The following NAALADL2 variants were observed in gnomAD, a reference collection of about 807,000 sequenced individuals.
NAALADL2 encodes the protein N-acetylated alpha-linked acidic dipeptidase like 2.
Under a neutral mutation model 87.2 loss-of-function variants are expected in NAALADL2, and 76 were observed. That is an observed-to-expected ratio of 0.87 (90% CI 0.72 to 1.05). NAALADL2 has a LOEUF of 1.05. Among genes scored for constraint, NAALADL2 ranks in the 50% least tolerant of loss-of-function variants. The probability of loss-of-function intolerance (pLI) is 0.00; values close to 1 mark genes in which losing one functional copy is unlikely to be tolerated. For missense variants in NAALADL2, 1,089 were observed against 945.8 expected (o/e 1.15, Z -1.99); for synonymous variants, 354 against 331.0 (o/e 1.07, Z -0.75).
chr3:174,450,359 C>T (rs73881162), intron 1 of NAALADL2, among the ~76,000 whole-genome samples: 4,491 of 152,116 alleles, frequency 0.03, 209 homozygotes, highest in African/African-American at 0.1. Context: ...AATGTAACCA[C>T]GCATGGGAAA....
intron 11 of NAALADL2, among the ~76,000 whole-genome samples, chr3:175,673,152 C>G (rs1258520209): frequency 6.6e-6 from 1 of 152,142 alleles, no homozygotes; most frequent in African/African-American, 2.4e-5. Flanking sequence ...TCATCTTTAT[C>G]TTACCTATAC....
At chr3:175,545,877 T>C (rs1334681444) in intron 9 of NAALADL2, among the ~76,000 whole-genome samples, 2 of 152,164 alleles carry the variant, frequency 1.3e-5, no homozygotes, top group African/African-American at 4.8e-5. Flanking sequence ...CATAGATCTA[T>C]TGATGAACTT....
chr3:175,451,405 A>G (rs529653828), intron 6 of NAALADL2, among the ~76,000 whole-genome samples: 41 of 152,182 alleles, frequency 2.7e-4, no homozygotes, highest in African/African-American at 8.9e-4. Context: ...CATTGATTAG[A>G]TAATTGGATA....
intron 5 of NAALADL2, among the ~76,000 whole-genome samples, chr3:175,324,554 G>T (rs186668101): frequency 1.2e-4 from 18 of 152,310 alleles, no homozygotes; most frequent in African/African-American, 4.1e-4. Context: ...AAATTACAGT[G>T]TGATGAACAG....
chr3:175,236,597 A>G (rs1315316262), intron 3 of NAALADL2, among the ~76,000 whole-genome samples: 1 of 151,466 alleles, frequency 6.6e-6, no homozygotes, highest in Non-Finnish European at 1.5e-5. Context: ...GTATATTAAC[A>G]GATATTGTAT....
chr3:175,053,020 C>T (rs1251425092), intron 1 of NAALADL2, among the ~76,000 whole-genome samples: 2 of 152,188 alleles, frequency 1.3e-5, no homozygotes, highest in Non-Finnish European at 2.9e-5. Context: ...AATTGTTGTG[C>T]AGCACCTCTG....
Position 175,529,370 on chromosome 3 carries a change from G to A in NAALADL2, c.1654-46671G>A, listed in dbSNP as rs187739757. On this transcript the variant is annotated intron_variant, in intron 9 of 13. Coordinates refer to ENST00000454872, the MANE Select transcript of NAALADL2 (RefSeq NM_207015.3). ...CCTCCCTCTGGAACTAAGATCTCTA[G>A]CCCAGCAGAACATAATGTGGCAAGA... 5.9e-5 allele frequency among the ~76,000 whole-genome samples: 9 copies of A among 152,236 alleles called. No homozygotes were observed. The East Asian group carries it at 1.5e-3, about 26-fold the overall frequency.
intron 1 of NAALADL2, among the ~76,000 whole-genome samples, chr3:174,478,356 T>C (rs1331180116): frequency 6.6e-6 from 1 of 152,160 alleles, no homozygotes; most frequent in African/African-American, 2.4e-5. Flanking sequence ...TACAAGACAG[T>C]GCTATCTTAC....
intron 13 of NAALADL2, among the ~76,000 whole-genome samples, chr3:175,760,522 C>T (rs1213226000): frequency 2.0e-5 from 3 of 152,114 alleles, no homozygotes; most frequent in East Asian, 3.9e-4. Context: ...TCCGGGACCA[C>T]GTAAGTGAAA....
In NAALADL2 at chr3:174,605,500, G is replaced by A. The variant is rs1317900082; in HGVS notation, c.-115+54863G>A. Among the ~76,000 whole-genome samples the A allele has an allele frequency of 2.0e-5, 3 of 152,194 alleles. No individual in the cohort carries two copies. In the East Asian group the frequency reaches 5.8e-4, roughly 29 times the overall value. ...TTTTCCGATGGGCTTAAAAAACGGT[G>A]CACCAGGAGATTATATCCTGCACCT... On this transcript the variant is annotated intron_variant, in intron 2 of 3. Coordinates refer to the NAALADL2 transcript ENST00000434257.
chr3:174,641,998 A>G (rs555418816), intron 2 of NAALADL2, among the ~76,000 whole-genome samples: 9 of 151,990 alleles, frequency 5.9e-5, no homozygotes, highest in Non-Finnish European at 1.2e-4. Context: ...GGCTGAAGCA[A>G]TCCTCCTGCC....
intron 5 of NAALADL2, among the ~76,000 whole-genome samples, chr3:175,373,897 CTG>C (rs1766792971): frequency 6.6e-6 from 1 of 152,134 alleles, no homozygotes; most frequent in African/African-American, 2.4e-5. Flanking sequence ...TTTCATTTCT[CTG>C]ATAACAAATG....
chr3:174,810,857 G>C (rs1720099059), intron 3 of NAALADL2, among the ~76,000 whole-genome samples: 1 of 152,148 alleles, frequency 6.6e-6, no homozygotes, highest in South Asian at 2.1e-4. Flanking sequence ...TCACAGGCCT[G>C]GAGGCCTAAG....
chr3:175,038,922 C>G (rs1011915414), intron 1 of NAALADL2, among the ~76,000 whole-genome samples: 2 of 151,978 alleles, frequency 1.3e-5, no homozygotes, highest in Non-Finnish European at 2.9e-5. Context: ...CAAACCAGAA[C>G]AAATGCCCAT....
rs1226323356 is a variant in NAALADL2 at position 175,234,071 on chromosome 3, G to C, written c.686G>C (p.Ser229Thr). ...VLLDLPGPSP[S>T]TVTLSSSGQC... is the part of the protein sequence containing the mutation. ...CTTGATCTGCCAGGCCCTTCTCCCA[G>C]CACTGTGACTCTGAGCAGCAGTGGT... The change falls in exon 3 of 14, where the codon AGC becomes ACC. Residue 229 changes from serine to threonine, a missense_variant. Transcript: ENST00000454872. 1.2e-6 allele frequency: 2 copies of C among 1,613,760 alleles called. No individual in the cohort carries two copies. The highest frequency in any genetic ancestry group is 2.2e-5 in the South Asian group (2 of 91,080).
intron 2 of NAALADL2, among the ~76,000 whole-genome samples, chr3:174,713,554 G>C (rs1288856426): frequency 6.6e-6 from 1 of 152,238 alleles, no homozygotes; most frequent in Non-Finnish European, 1.5e-5. Context: ...CTGATGGCCA[G>C]TGATGATGAG....
intron 10 of NAALADL2, among the ~76,000 whole-genome samples, chr3:175,625,841 T>C (rs1726915385): frequency 2.0e-5 from 3 of 152,038 alleles, no homozygotes; most frequent in African/African-American, 4.8e-5. Context: ...CTAGGTGACA[T>C]ATGGAGAGTA....
chr3:175,088,119 CA>C (rs1275777098), intron 1 of NAALADL2, among the ~76,000 whole-genome samples: 2 of 152,040 alleles, frequency 1.3e-5, no homozygotes, highest in Non-Finnish European at 2.9e-5. Context: ...ACACACCATG[CA>C]GTTAATCTAG....
intron 1 of NAALADL2, among the ~76,000 whole-genome samples, chr3:174,985,524 TG>T (rs1745734501): frequency 6.6e-6 from 1 of 152,240 alleles, no homozygotes; most frequent in Admixed American, 6.5e-5. Flanking sequence ...AATTTCTACC[TG>T]TATATCTAAA....
Sources: allele counts gnomAD v4.1 joint callset (sites outside exome capture counted in the v4.1 genomes callset), GRCh38; gene constraint gnomAD v4.1.1; transcripts MANE v1.5; gene names NCBI Gene and HGNC (gene_info 2026-07-23, HGNC 2026-07-21).